SLIT2: variants seen among roughly 807,000 people sequenced by gnomAD.
SLIT2 encodes the protein slit homolog 2 protein.
In SLIT2, 41 loss-of-function variants were observed where a neutral mutation model predicts 185.7. The ratio of observed to expected loss-of-function variants is 0.22; its 90% CI spans 0.17 to 0.29. The LOEUF (loss-of-function observed/expected upper bound fraction) is 0.29. SLIT2 is among the 10% of genes least tolerant of loss of function. The probability of loss-of-function intolerance (pLI) is 1.00; values close to 1 mark genes in which losing one functional copy is unlikely to be tolerated. For synonymous variants in SLIT2, 693 were observed against 680.2 expected, an observed-to-expected ratio of 1.02 and a Z score of -0.29; for missense variants, 1,571 against 1,909.0, an observed-to-expected ratio of 0.82 and a Z score of 3.30.
chr4:20,303,867 T>TGA, intron 4 of SLIT2, among the ~76,000 whole-genome samples: 1 of 152,116 alleles, frequency 6.6e-6, no homozygotes, highest in South Asian at 2.1e-4. Flanking sequence ...ACTACAAAGG[T>TGA]GAGTAGGTGG....
chr4:20,352,635 C>T (rs570784589), intron 4 of SLIT2, among the ~76,000 whole-genome samples: 9 of 152,210 alleles, frequency 5.9e-5, no homozygotes, highest in East Asian at 1.9e-4. Flanking sequence ...TATTTGAGGC[C>T]GGATGTAGTG....
At chr4:20,323,226 A>C (rs920464426) in intron 4 of SLIT2, among the ~76,000 whole-genome samples, 2 of 152,182 alleles carry the variant, frequency 1.3e-5, no homozygotes, top group African/African-American at 2.4e-5. Context: ...TTGGATATGC[A>C]GGGTATTTAT....
At chr4:20,271,074 AG>A (rs767703934) in intron 4 of SLIT2, among the ~76,000 whole-genome samples, 20 of 152,170 alleles carry the variant, frequency 1.3e-4, no homozygotes, top group Non-Finnish European at 2.2e-4. Context: ...ATGAAAAGCA[AG>A]GGTACAAGTT....
intron 4 of SLIT2, among the ~76,000 whole-genome samples, chr4:20,433,241 C>T (rs902592357): frequency 2.0e-5 from 3 of 152,178 alleles, no homozygotes; most frequent in African/African-American, 4.8e-5. Flanking sequence ...AGGAAACAGT[C>T]GGCATTTCTG....
chr4:20,531,559 A>G (rs916846719), intron 16 of SLIT2, among the ~76,000 whole-genome samples: 1 of 152,186 alleles, frequency 6.6e-6, no homozygotes, highest in Non-Finnish European at 1.5e-5. Context: ...TGGTTCCACA[A>G]CTGAATTGTA....
At chr4:20,545,790 A>G (rs144113629) in intron 21 of SLIT2, among the ~76,000 whole-genome samples, 3 of 152,220 alleles carry the variant, frequency 2.0e-5, no homozygotes, top group East Asian at 3.9e-4. Context: ...GCTTGCACAC[A>G]GATGGCTAAA....
chr4:20,272,797 A>G (rs1349594703), intron 4 of SLIT2, among the ~76,000 whole-genome samples: 1 of 152,104 alleles, frequency 6.6e-6, no homozygotes, highest in Non-Finnish European at 1.5e-5. Flanking sequence ...CATCTGTCCC[A>G]GGGACTCATT....
intron 4 of SLIT2, among the ~76,000 whole-genome samples, chr4:20,400,519 T>A (rs1293393774): frequency 1.3e-5 from 2 of 151,730 alleles, no homozygotes; most frequent in Non-Finnish European, 2.9e-5. Context: ...GGGGAGTTCA[T>A]AAGTTGAGCA....
chr4:20,377,432 T>G (rs534304339), intron 4 of SLIT2, among the ~76,000 whole-genome samples: 2 of 152,234 alleles, frequency 1.3e-5, no homozygotes, highest in African/African-American at 4.8e-5. Context: ...GGAGGTATTA[T>G]CAGTATTATA....
chr4:20,261,606 G>C (rs1712485378), intron 3 of SLIT2, among the ~76,000 whole-genome samples: 2 of 151,794 alleles, frequency 1.3e-5, no homozygotes, highest in Non-Finnish European at 2.9e-5. Context: ...TTCCACTAGT[G>C]AAAACAATCT....
chr4:20,345,597 G>C lies in SLIT2; in HGVS notation c.395+76716G>C, dbSNP rs181935913. ...GTCACCCAGGCTGGAGTGCAGTGGC[G>C]TGATCTTGGCTCACGGCAACCTCCA... On this transcript the variant is annotated intron_variant, in intron 4 of 36. Coordinates refer to ENST00000504154, the MANE Select transcript of SLIT2 (RefSeq NM_004787.4). Among the ~76,000 whole-genome samples the C allele has an allele frequency of 3.6e-3, 505 of 139,660 alleles. 4 individuals carry two copies. Among genetic ancestry groups the C allele is most frequent in the African/African-American group, 0.014 (498 of 36,718 alleles). 91.6% of individuals were successfully genotyped at this position (139,660 alleles called of 152,430 possible). A position where few individuals can be genotyped will look rare whatever the true frequency, so the allele number is the denominator to read the frequency against.
intron 30 of SLIT2, 38 bp downstream of exon 30, chr4:20,589,775 A>C (rs1363659659): frequency 1.4e-6 from 2 of 1,474,586 alleles, no homozygotes; most frequent in African/African-American, 1.4e-5. Context: ...CAGTCAGGGT[A>C]GGGGACCCAT....
intron 4 of SLIT2, among the ~76,000 whole-genome samples, chr4:20,272,503 A>G (rs1713732054): frequency 6.6e-6 from 1 of 152,118 alleles, no homozygotes; most frequent in Non-Finnish European, 1.5e-5. Flanking sequence ...TCTTCCTGAT[A>G]AGTGTAACCT....
rs1327179835 is a variant in SLIT2 at position 20,619,690 on chromosome 4, GA to G, written c.*682del. ...TAAAGGAGATGATAAAGAACCAATA[GA>G]TTATTGATAAATAAATTAGTAATAA... On this transcript the variant is annotated 3_prime_UTR_variant, in exon 37 of 37. Transcript: ENST00000504154. 3.3e-5 allele frequency: 5 copies of G among 152,010 alleles called. No homozygotes were observed. In the East Asian group the frequency reaches 9.7e-4, roughly 29 times the overall value. The allele number at this position is 152,010 out of a possible 1,614,324, so 9.4% of individuals were successfully genotyped here. A position where few individuals can be genotyped will look rare whatever the true frequency, so the allele number is the denominator to read the frequency against.
At position 20,511,121 on chromosome 4, in the gene SLIT2, C is replaced by A; in HGVS notation, c.1042C>A (p.Arg348Ser). Residue 348 changes from arginine (R) to serine (S), a missense_variant, in exon 11 of 37, where the codon CGC (arginine) becomes AGC (serine). Arg to Ser is a moderately radical substitution (Grantham distance 110). Transcript: ENST00000504154. The stretch of plus-strand genomic sequence containing the variant: ...TGCACCAGATGCTTTCCAAGGACTA[C>A]GCTCTCTGAATTCACTGTAAGTATT... ...ELAPDAFQGL[R>S]SLNSLVLYGN... The A allele has an allele frequency of 6.3e-7, 1 of 1,599,444 alleles. No individual in the cohort carries two copies. Among genetic ancestry groups the A allele is most frequent in the Non-Finnish European group, 8.6e-7 (1 of 1,168,236 alleles).
chr4:20,340,681 A>G (rs1471345821), intron 4 of SLIT2, among the ~76,000 whole-genome samples: 1 of 152,040 alleles, frequency 6.6e-6, no homozygotes, highest in East Asian at 1.9e-4. Context: ...GTCCACTGCG[A>G]GCTCCGCCTT....
chr4:20,486,516 G>A (rs1296318023), intron 7 of SLIT2, among the ~76,000 whole-genome samples: 1 of 152,048 alleles, frequency 6.6e-6, no homozygotes, highest in Non-Finnish European at 1.5e-5. Context: ...TTTACTTTGA[G>A]CTATTGTGGA....
At position 20,590,054 on chromosome 4, in the gene SLIT2, C is replaced by T. The variant is rs369417585; in HGVS notation, c.3182+317C>T. Among the ~76,000 whole-genome samples the T allele has an allele frequency of 2.6e-3, 396 of 151,722 alleles. 10 individuals are homozygous for T. In the South Asian group the frequency reaches 0.06, roughly 23 times the overall value. On this transcript the variant is annotated intron_variant, in intron 30 of 36. Coordinates refer to ENST00000504154, the MANE Select transcript of SLIT2 (RefSeq NM_004787.4). ...CCAAGTAGCTGGGACTACAGGCGCC[C>T]GCCACCACGCCTGGCTAATTTTTTG...
chr4:20,397,584 A>G (rs1234266975), intron 4 of SLIT2, among the ~76,000 whole-genome samples: 1 of 151,788 alleles, frequency 6.6e-6, no homozygotes, highest in African/African-American at 2.4e-5. Flanking sequence ...GCAGTTATAA[A>G]TTGTCATAAT....
Sources: gnomAD v4.1 joint callset for allele counts (sites outside exome capture counted in the v4.1 genomes callset) on GRCh38, gnomAD v4.1.1 for gene constraint, MANE v1.5 for transcripts, NCBI Gene and HGNC (gene_info 2026-07-23, HGNC 2026-07-21) for gene names.